CDK18: variants seen among roughly 807,000 people sequenced by gnomAD.
CDK18 encodes the protein cyclin-dependent kinase 18.
In CDK18, 52 loss-of-function variants were observed where a neutral mutation model predicts 62.0. The observed-to-expected ratio is 0.84, with a 90% CI of 0.67 to 1.06. The LOEUF is 1.06. CDK18 is among the 50% of genes least tolerant of loss of function. The probability of loss-of-function intolerance (pLI) is 0.00; values close to 1 mark genes in which losing one functional copy is unlikely to be tolerated. For missense variants in CDK18, 604 were observed against 619.9 expected (o/e 0.97, Z 0.27); for synonymous variants, 237 against 247.0 (o/e 0.96, Z 0.38).
Position 205,526,137 on chromosome 1 carries a change from C to A in CDK18, c.529C>A (p.Leu177Met). The A allele has an allele frequency of 6.2e-7, 1 of 1,614,116 alleles. No individual in the cohort carries two copies. The highest frequency in any genetic ancestry group is 8.5e-7 in the Non-Finnish European group (1 of 1,179,982). ...ENLVALKEIRLEHEEGAPCTA... is the reference protein window; with the variant it reads ...ENLVALKEIRMEHEEGAPCTA... ...CCTTGTGGCCCTGAAAGAGATCCGG[C>A]TGGAGCACGAGGAGGGAGCGCCCTG... The change falls in exon 6 of 16, where the codon CTG becomes ATG. Residue 177 changes from leucine (L) to methionine (M), a missense_variant. Leu to Met is a conservative substitution (Grantham distance 15). Coordinates refer to ENST00000429964, the MANE Select transcript of CDK18 (RefSeq NM_212502.3).
In CDK18 at chr1:205,530,258, G is replaced by A. The variant is rs1262930829; in HGVS notation, c.1222-1G>A. 1 of 1,612,148 alleles carries A rather than the reference G, an allele frequency of 6.2e-7. No homozygotes were observed. Reference sequence around the variant, plus strand: ...CAATAGCCCCACCCTGTGCCTTTCAGTATGAATCCAAGAGTCGCATGTCAG... The same window carrying A: ...CAATAGCCCCACCCTGTGCCTTTCAATATGAATCCAAGAGTCGCATGTCAG... On this transcript the variant is annotated splice_acceptor_variant, in intron 13 of 15. Coordinates refer to ENST00000429964, the MANE Select transcript of CDK18 (RefSeq NM_212502.3). LOFTEE classifies it high-confidence loss of function.
chr1:205,527,778 C>T lies in CDK18; in HGVS notation c.730-16C>T. ...GGGCCACCTTCCACCCCACATTTCTCTTCCCCCTCCCCCAGATTTTCATGT... is the reference window on the plus strand; with the variant it reads ...GGGCCACCTTCCACCCCACATTTCTTTTCCCCCTCCCCCAGATTTTCATGT... On this transcript the variant is annotated splice_polypyrimidine_tract_variant and intron_variant, in intron 8 of 15. Coordinates refer to ENST00000429964, the MANE Select transcript of CDK18 (RefSeq NM_212502.3). The surrounding 1 kb of genome is among the most constrained non-coding windows in gnomAD (Gnocchi z 4.1). 1.9e-6 allele frequency: 3 copies of T among 1,613,188 alleles called. No individual in the cohort carries two copies. Among genetic ancestry groups the T allele is most frequent in the Non-Finnish European group, 2.5e-6 (3 of 1,179,414 alleles).
At chr1:205,512,652 G>T (rs1042548533) in intron 1 of CDK18, among the ~76,000 whole-genome samples, 2 of 152,204 alleles carry the variant, frequency 1.3e-5, no homozygotes, top group Non-Finnish European at 2.9e-5. Context: ...CTGGTCAGAG[G>T]AGCCCAGTGG....
At chr1:205,508,901 C>G (rs1414449741) in intron 1 of CDK18, among the ~76,000 whole-genome samples, 1 of 151,860 alleles carries the variant, frequency 6.6e-6, no homozygotes, top group African/African-American at 2.4e-5. Flanking sequence ...GTAATCCCAG[C>G]ACTTTGGAAG....
chr1:205,510,658 C>T (rs1254571277), intron 1 of CDK18, among the ~76,000 whole-genome samples: 3 of 152,242 alleles, frequency 2.0e-5, no homozygotes, highest in Non-Finnish European at 4.4e-5. Flanking sequence ...CATGCAGTCC[C>T]TTCCAACCCT....
At position 205,525,249 on chromosome 1, in the gene CDK18, AG is replaced by A. The variant is rs1032439041; in HGVS notation, c.456+58del. On this transcript the variant is annotated intron_variant, in intron 5 of 15. Transcript: ENST00000429964. ...ATAGCCAGGCAGGATGGCTTGGAGGAGGGGCAGACCTCCCTAGTCGGCCCTC... is the reference window on the plus strand; with the variant it reads ...ATAGCCAGGCAGGATGGCTTGGAGGAGGGCAGACCTCCCTAGTCGGCCCTC... 2.9e-6 allele frequency: 4 copies of A among 1,372,440 alleles called. No homozygotes were observed. The African/African-American group carries it at 4.3e-5, about 15-fold the overall frequency. The allele number at this position is 1,372,440 out of a possible 1,614,324, so 85.0% of individuals were successfully genotyped here.
Position 205,525,400 on chromosome 1 carries a change from C to T in CDK18, c.456+205C>T, listed in dbSNP as rs999703103. On this transcript the variant is annotated intron_variant, in intron 5 of 15. Transcript: ENST00000429964. Reference sequence around the variant, plus strand: ...AGTGAGCTCAGATCCTGAAGGAGGGCGTGAGGATAGAGTAGCCATGGCCCT... The same window carrying T: ...AGTGAGCTCAGATCCTGAAGGAGGGTGTGAGGATAGAGTAGCCATGGCCCT... Among the ~76,000 whole-genome samples, 6 of 152,006 alleles carry T rather than the reference C, an allele frequency of 3.9e-5. No individual in the cohort carries two copies. Among genetic ancestry groups the T allele is most frequent in the East Asian group, 3.9e-4 (2 of 5,186 alleles).
chr1:205,527,200 G>A lies in CDK18; in HGVS notation c.729+363G>A, dbSNP rs115771567. 0.014 allele frequency: 3,583 copies of A among 257,902 alleles called. 44 individuals carry two copies. The highest frequency in any genetic ancestry group is 0.045 in the Middle Eastern group (35 of 772). 16.0% of individuals were successfully genotyped at this position (257,902 alleles called of 1,614,324 possible). A position where few individuals can be genotyped will look rare whatever the true frequency, so the allele number is the denominator to read the frequency against. On this transcript the variant is annotated intron_variant, in intron 8 of 15. Transcript: ENST00000429964. This position sits in a 1 kb window ranked among gnomAD's most constrained non-coding sequence, Gnocchi z 4.1. ...TCCTGGTGTTTGTTAAAGAATCAAG[G>A]CTGGGCATGGTGGCCCACGCCTGTA...
chr1:205,518,940 G>A (rs1400524335), intron 1 of CDK18, among the ~76,000 whole-genome samples: 1 of 152,154 alleles, frequency 6.6e-6, no homozygotes, highest in Non-Finnish European at 1.5e-5. Flanking sequence ...GCTGGGGTCT[G>A]CCTGCCCACC....
At position 205,527,866 on chromosome 1, in the gene CDK18, C is replaced by T; in HGVS notation, c.802C>T (p.Pro268Ser). The change falls in exon 9 of 16, where the codon CCC (proline) becomes TCC (serine). Residue 268 changes from proline to serine, a missense_variant. Coordinates refer to ENST00000429964, the MANE Select transcript of CDK18 (RefSeq NM_212502.3). This position sits in a 1 kb window ranked among gnomAD's most constrained non-coding sequence, Gnocchi z 4.1. ...CAAGATCCTGCACCGGGACCTGAAG[C>T]CCCAGAACCTGCTCATCAACGAGAG... is the stretch of plus-strand genomic sequence containing the variant. ...HRKILHRDLK[P>S]QNLLINERGE... The T allele has an allele frequency of 6.2e-7, 1 of 1,614,138 alleles. No homozygotes were observed. The highest frequency in any genetic ancestry group is 8.5e-7 in the Non-Finnish European group (1 of 1,180,010).
At chr1:205,529,298 C>G in intron 11 of CDK18, 26 bp from the exon 12 acceptor site, 1 of 1,597,916 alleles carries the variant, frequency 6.3e-7, no homozygotes, top group South Asian at 1.1e-5. Context: ...CACGCAGGCC[C>G]TCCCCACCCT....
intron 11 of CDK18, 41 bp downstream of exon 11, chr1:205,529,137 C>T (rs368432252): frequency 6.1e-5 from 92 of 1,498,732 alleles, no homozygotes; most frequent in Non-Finnish European, 8.2e-5. Flanking sequence ...CACCAGGGGG[C>T]GCCGGAACTC....
In CDK18 at chr1:205,530,329, G is replaced by A. The variant is rs756913043; in HGVS notation, c.1292G>A (p.Arg431His). 2.2e-5 allele frequency: 36 copies of A among 1,612,826 alleles called. No individual in the cohort carries two copies. Among genetic ancestry groups the A allele is most frequent in the South Asian group, 6.6e-5 (6 of 91,084 alleles). ...SHSYFRSLGE[R>H]VHQLEDTASI... Reference sequence around the variant, plus strand: ...TCCTACTTCCGGTCTCTGGGAGAGCGTGTGCACCAGCTTGAAGACAGTGAG... The same window carrying A: ...TCCTACTTCCGGTCTCTGGGAGAGCATGTGCACCAGCTTGAAGACAGTGAG... Residue 431 changes from arginine to histidine, a missense_variant, in exon 14 of 16, where the codon CGT (arginine) becomes CAT (histidine). Arg to His is a conservative substitution (Grantham distance 29, BLOSUM62 0). Transcript: ENST00000429964.
In CDK18 at chr1:205,527,941, G is replaced by A; in HGVS notation, c.853+24G>A. ...TGGTGAGGCTGGGGCTAGGGTGGGG[G>A]TCTGACGCTACTGGGGTGCCTCAGG... On this transcript the variant is annotated intron_variant, in intron 9 of 15. Coordinates refer to ENST00000429964, the MANE Select transcript of CDK18 (RefSeq NM_212502.3). The surrounding 1 kb of genome is among the most constrained non-coding windows in gnomAD (Gnocchi z 4.1). The A allele has an allele frequency of 6.2e-7, 1 of 1,613,848 alleles. No individual in the cohort carries two copies. Among genetic ancestry groups the A allele is most frequent in the Non-Finnish European group, 8.5e-7 (1 of 1,179,844 alleles).
chr1:205,524,360 G>A lies in CDK18; in HGVS notation c.399+3G>A, dbSNP rs575087708. 3 of 1,614,116 alleles carry A rather than the reference G, an allele frequency of 1.9e-6. No individual in the cohort carries two copies. Among genetic ancestry groups the A allele is most frequent in the East Asian group, 2.2e-5 (1 of 44,890 alleles). On this transcript the variant is annotated splice_donor_region_variant and intron_variant, in intron 4 of 15. Coordinates refer to ENST00000429964, the MANE Select transcript of CDK18 (RefSeq NM_212502.3). ...GCATGTCCCGCCGGGCCTCCCTGGT[G>A]AGTCCCAAGAGGGTCAGAGGACACA... is the stretch of plus-strand genomic sequence containing the variant.
In CDK18 at chr1:205,530,164, C is replaced by T. The variant is rs1668664256; in HGVS notation, c.1222-95C>T. The T allele has an allele frequency of 5.7e-6, 9 of 1,571,732 alleles. No homozygotes were observed. In the South Asian group the frequency reaches 9.2e-5, roughly 16 times the overall value. ...CTTCTCCTGTTAGCCTCAAGCCTCA[C>T]CCACCTTGGTGCTCTAACCAGCACT... On this transcript the variant is annotated intron_variant, in intron 13 of 15. Coordinates refer to ENST00000429964, the MANE Select transcript of CDK18 (RefSeq NM_212502.3).
At chr1:205,509,954 C>T (rs773708027) in intron 1 of CDK18, among the ~76,000 whole-genome samples, 2 of 152,054 alleles carry the variant, frequency 1.3e-5, no homozygotes, top group South Asian at 2.1e-4. Flanking sequence ...GTGGCAGGCA[C>T]CTGTAATCCC....
At chr1:205,519,429 A>G (rs999190405) in intron 1 of CDK18, among the ~76,000 whole-genome samples, 2 of 151,922 alleles carry the variant, frequency 1.3e-5, no homozygotes, top group Non-Finnish European at 2.9e-5. Flanking sequence ...CCCTGTCACC[A>G]TCAGGAAGTC....
intron 1 of CDK18, among the ~76,000 whole-genome samples, chr1:205,514,070 G>A (rs1045323827): frequency 1.3e-5 from 2 of 152,232 alleles, no homozygotes; most frequent in African/African-American, 2.4e-5. Context: ...GCAATGACGA[G>A]TCACGCCACA....
Sources: gnomAD v4.1 joint callset for allele counts (sites outside exome capture counted in the v4.1 genomes callset) on GRCh38, gnomAD v4.1.1 for gene constraint, Gnocchi (gnomAD v3.1) non-coding constraint, MANE v1.5 for transcripts, NCBI Gene and HGNC (gene_info 2026-07-23, HGNC 2026-07-21) for gene names.